ZNF605: variants seen among roughly 807,000 people sequenced by gnomAD.
The protein encoded by ZNF605 is zinc finger protein 605.
Under a neutral mutation model 7.9 loss-of-function variants are expected in ZNF605, and 9 were observed. The observed-to-expected ratio is 1.14, with a 90% confidence interval of 0.68 to 1.98. The LOEUF is 1.98. Among genes scored for constraint, ZNF605 ranks in the 30% most tolerant of loss-of-function variants. The pLI, the probability that ZNF605 is intolerant of heterozygous loss-of-function variation, is 0.00. For synonymous variants in ZNF605, 255 were observed against 260.1 expected (o/e 0.98, Z 0.19); for missense variants, 673 against 762.4 (o/e 0.88, Z 1.38).
rs1952490702 is a variant in ZNF605, at chr12:132,945,931, G to T, written c.-162-134C>A. The T allele has an allele frequency of 1.2e-5, 7 of 582,712 alleles. No homozygotes were observed. In the South Asian group the frequency reaches 1.4e-4, roughly 12 times the overall value. The allele number at this position is 582,712 out of a possible 1,614,324, so 36.1% of individuals were successfully genotyped here. A position where few individuals can be genotyped will look rare whatever the true frequency, so the allele number is the denominator to read the frequency against. ...GTTGGGTAGGCTCACACCAGGGCTA[G>T]CGGGCGGGAAGCAGGGTGGAATGTG... On this transcript the variant is annotated intron_variant, in intron 2 of 4. Coordinates refer to ENST00000360187, the MANE Select transcript of ZNF605 (RefSeq NM_183238.4).
chr12:132,936,352 GA>G (rs1218372107), intron 3 of ZNF605, among the ~76,000 whole-genome samples: 30 of 152,246 alleles, frequency 2.0e-4, no homozygotes, highest in Middle Eastern at 3.4e-3. Flanking sequence ...AGATAGACCA[GA>G]AGAAATAATA....
chr12:132,938,529 G>C (rs867981864), intron 3 of ZNF605, among the ~76,000 whole-genome samples: 2 of 152,076 alleles, frequency 1.3e-5, no homozygotes, highest in Non-Finnish European at 2.9e-5. Context: ...TCGAACTCCC[G>C]ACCTCAGGTG....
chr12:132,930,250 C>A (rs1195217165), intron 4 of ZNF605, among the ~76,000 whole-genome samples: 2 of 152,164 alleles, frequency 1.3e-5, no homozygotes, highest in African/African-American at 4.8e-5. Flanking sequence ...CCCAGGCGGG[C>A]CTGCAACTCC....
chr12:132,934,695 A>G (rs796522551), intron 3 of ZNF605, among the ~76,000 whole-genome samples: 1,788 of 113,528 alleles, frequency 0.016, 46 homozygotes, highest in African/African-American at 0.057. Flanking sequence ...ACAGAGCAAG[A>G]TTCCGTCTAA....
chr12:132,954,582 C>T (rs1295887534), intron 1 of ZNF605, among the ~76,000 whole-genome samples: 1 of 150,624 alleles, frequency 6.6e-6, no homozygotes, highest in Admixed American at 6.6e-5. Flanking sequence ...CATTCTGAGG[C>T]TTGCGCCACA....
At position 132,954,705 on chromosome 12, in the gene ZNF605, C is replaced by T. The variant is rs1952617212; in HGVS notation, c.-286+1538G>A. On this transcript the variant is annotated intron_variant, in intron 1 of 4. Coordinates refer to ENST00000360187, the MANE Select transcript of ZNF605 (RefSeq NM_183238.4). ...ACCCCATTCTCTAATCCACTCCATG[C>T]TGGAGCATTCACTGACATTCCCACA... is the stretch of plus-strand genomic sequence containing the variant. Among the ~76,000 whole-genome samples the T allele has an allele frequency of 4.0e-5, 6 of 151,764 alleles. 1 individual carries two copies. Among genetic ancestry groups the T allele is most frequent in the Non-Finnish European group, 1.5e-5 (1 of 67,954 alleles).
chr12:132,939,473 C>T (rs1167395906), intron 3 of ZNF605, among the ~76,000 whole-genome samples: 7 of 152,068 alleles, frequency 4.6e-5, no homozygotes, highest in Non-Finnish European at 8.8e-5. Context: ...GTGAATGCAC[C>T]AATTGACACT....
intron 1 of ZNF605, among the ~76,000 whole-genome samples, chr12:132,950,343 C>A (rs1282663174): frequency 6.6e-6 from 1 of 152,134 alleles, no homozygotes; most frequent in Non-Finnish European, 1.5e-5. Flanking sequence ...GAAACTCTCA[C>A]CCCACACACA....
intron 3 of ZNF605, among the ~76,000 whole-genome samples, chr12:132,942,578 C>G (rs1478846116): frequency 1.3e-5 from 2 of 152,258 alleles, no homozygotes; most frequent in East Asian, 3.8e-4. Context: ...GGGAAGCCAC[C>G]TTGGATCCCT....
At chr12:132,938,486 T>C (rs1952391497) in intron 3 of ZNF605, among the ~76,000 whole-genome samples, 1 of 151,732 alleles carries the variant, frequency 6.6e-6, no homozygotes, top group South Asian at 2.1e-4. Context: ...TTTTTAGTAG[T>C]GACGGGGTTT....
At chr12:132,951,010 A>T (rs1170018312) in intron 1 of ZNF605, among the ~76,000 whole-genome samples, 1 of 151,726 alleles carries the variant, frequency 6.6e-6, no homozygotes, top group East Asian at 1.9e-4. Context: ...ACATGTACAG[A>T]CATACTGATA....
intron 1 of ZNF605, among the ~76,000 whole-genome samples, chr12:132,948,902 G>A (rs1952525874): frequency 6.6e-6 from 1 of 152,016 alleles, no homozygotes; most frequent in Admixed American, 6.5e-5. Context: ...AGGAGGCGGG[G>A]ACCAGTGTAG....
At chr12:132,950,625 C>A (rs1378775312) in intron 1 of ZNF605, among the ~76,000 whole-genome samples, 1 of 151,326 alleles carries the variant, frequency 6.6e-6, no homozygotes, top group Non-Finnish European at 1.5e-5. Flanking sequence ...CAGGCATACA[C>A]AGACACCCTG....
chr12:132,947,975 G>A (rs941856558), intron 2 of ZNF605, among the ~76,000 whole-genome samples, 173 bp downstream of exon 2: 1 of 152,166 alleles, frequency 6.6e-6, no homozygotes, highest in Admixed American at 6.5e-5. Flanking sequence ...GATTTCTGAA[G>A]GAAAGTGCAG....
rs1952252795 is a variant in ZNF605, at chr12:132,926,821, C to T, written c.478G>A (p.Ala160Thr). Residue 160 changes from alanine (A) to threonine (T), a missense_variant, in exon 5 of 5, where the codon GCT becomes ACT. Physicochemically the swap from Ala to Thr is moderately conservative, Grantham distance 58. Transcript: ENST00000360187. ...KSSNEEPWLT[A>T]NHITHTGVYL... ...ACTCCTGTGTGTGTTATGTGATTAG[C>T]AGTGAGCCATGGCTCTTCGTTGCTG... 2.5e-6 allele frequency: 4 copies of T among 1,614,198 alleles called. No homozygotes were observed. The highest frequency in any genetic ancestry group is 2.5e-6 in the Non-Finnish European group (3 of 1,180,044).
intron 4 of ZNF605, among the ~76,000 whole-genome samples, chr12:132,927,478 G>A (rs1952257921): frequency 6.6e-6 from 1 of 152,050 alleles, no homozygotes; most frequent in Non-Finnish European, 1.5e-5. Flanking sequence ...CAATTCTCCT[G>A]CCTCAGCCTC....
In ZNF605 at chr12:132,925,986, G is replaced by A. The variant is rs1305970743; in HGVS notation, c.1313C>T (p.Thr438Met). 2.6e-5 allele frequency: 42 copies of A among 1,613,904 alleles called. No homozygotes were observed. Among genetic ancestry groups the A allele is most frequent in the African/African-American group, 1.2e-4 (9 of 74,868 alleles). ...CTCCCCAGTGTGTGTTCTGTGATGCGTTAGGAGCTGGGACTTCCCAAAGAA... is the reference window on the plus strand; with the variant it reads ...CTCCCCAGTGTGTGTTCTGTGATGCATTAGGAGCTGGGACTTCCCAAAGAA... Reference protein sequence around the residue: ...KTFFGKSQLLTHHRTHTGEKP... With the variant: ...KTFFGKSQLLMHHRTHTGEKP... Residue 438 changes from threonine to methionine, a missense_variant, in exon 5 of 5, where the codon ACG becomes ATG. Coordinates refer to ENST00000360187, the MANE Select transcript of ZNF605 (RefSeq NM_183238.4).
Position 132,945,669 on chromosome 12 carries a change from G to A in ZNF605, c.-34C>T. ...GCTCTTGGGAAATCTGCTGTTTTGT[G>A]ACTTCTCTTAGTCCTGACACCCTGG... is the stretch of plus-strand genomic sequence containing the variant. On this transcript the variant is annotated 5_prime_UTR_variant, in exon 3 of 5. Transcript: ENST00000360187. The A allele has an allele frequency of 1.9e-6, 3 of 1,614,224 alleles. No individual in the cohort carries two copies. Among genetic ancestry groups the A allele is most frequent in the Non-Finnish European group, 2.5e-6 (3 of 1,180,052 alleles).
chr12:132,938,592 C>G (rs1163501078), intron 3 of ZNF605, among the ~76,000 whole-genome samples: 2 of 152,326 alleles, frequency 1.3e-5, no homozygotes, highest in South Asian at 4.1e-4. Context: ...AGCGTGCTGG[C>G]AGTCCTCAGA....
Sources: allele counts gnomAD v4.1 joint callset (sites outside exome capture counted in the v4.1 genomes callset), GRCh38; gene constraint gnomAD v4.1.1; transcripts MANE v1.5; gene names NCBI Gene and HGNC (gene_info 2026-07-23, HGNC 2026-07-21).